SLC8A1: variants seen among roughly 807,000 people sequenced by gnomAD.
SLC8A1 encodes the protein solute carrier family 8 member A1, also known as sodium/calcium exchanger 1.
SLC8A1 carries 18 observed loss-of-function variants against 68.3 expected under a neutral mutation model. The observed-to-expected ratio is 0.26, with a 90% confidence interval of 0.18 to 0.39. The LOEUF (loss-of-function observed/expected upper bound fraction) is 0.39. Among genes scored for constraint, SLC8A1 ranks in the 10% least tolerant of loss-of-function variants. The pLI, the probability that SLC8A1 is intolerant of heterozygous loss-of-function variation, is 1.00. For missense variants in SLC8A1, 985 were observed against 1,156.7 expected (o/e 0.85, Z 2.15); for synonymous variants, 475 against 415.5 (o/e 1.14, Z -1.74).
chr2:40,167,413 A>G (rs575504625), intron 4 of SLC8A1, among the ~76,000 whole-genome samples: 12 of 152,304 alleles, frequency 7.9e-5, no homozygotes, highest in South Asian at 4.1e-4. Context: ...TTAGTGACTT[A>G]AAGTTTTCTT....
At chr2:40,400,136 G>A (rs1688267271) in intron 2 of SLC8A1, among the ~76,000 whole-genome samples, 1 of 152,138 alleles carries the variant, frequency 6.6e-6, no homozygotes, top group Non-Finnish European at 1.5e-5. Flanking sequence ...CCTTAAAAGG[G>A]ACAGGAATTG....
At chr2:40,429,076 T>A in exon 2 of SLC8A1, 2 of 1,612,260 alleles carry the variant, frequency 1.2e-6, no homozygotes, top group South Asian at 2.2e-5. Context: ...AGGGTCATTT[T>A]CAGTCACTTC....
At chr2:40,159,909 C>T (rs1021856059) in intron 6 of SLC8A1, among the ~76,000 whole-genome samples, 5 of 152,164 alleles carry the variant, frequency 3.3e-5, no homozygotes, top group African/African-American at 9.7e-5. Flanking sequence ...CTGCTAGTGA[C>T]GCAGTTTCCA....
At chr2:40,253,154 CATAT>C (rs961450904) in intron 2 of SLC8A1, among the ~76,000 whole-genome samples, 7 of 118,564 alleles carry the variant, frequency 5.9e-5, no homozygotes, top group East Asian at 2.3e-4. Flanking sequence ...TATATACATA[CATAT>C]ATATGTATAT....
chr2:40,358,450 A>T (rs1673454860), intron 2 of SLC8A1, among the ~76,000 whole-genome samples: 1 of 152,170 alleles, frequency 6.6e-6, no homozygotes, highest in Admixed American at 6.6e-5. Context: ...TATATCAGAA[A>T]TCTCTCAAAT....
intron 2 of SLC8A1, among the ~76,000 whole-genome samples, chr2:40,298,083 T>A (rs2070758485): frequency 1.3e-5 from 2 of 152,062 alleles, no homozygotes; most frequent in South Asian, 4.1e-4. Context: ...AATTTCACCA[T>A]CTTGGCCAGG....
intron 2 of SLC8A1, among the ~76,000 whole-genome samples, chr2:40,396,678 G>A (rs1686996453): frequency 7.4e-6 from 1 of 134,858 alleles, no homozygotes; most frequent in South Asian, 2.4e-4. Context: ...AAGAAAAAAA[G>A]ATTACTAGTC....
chr2:40,342,895 C>G (rs1357329871), intron 2 of SLC8A1, among the ~76,000 whole-genome samples: 4 of 152,088 alleles, frequency 2.6e-5, no homozygotes, highest in African/African-American at 7.2e-5. Context: ...ACGTACTGAT[C>G]ACTTTAAGAT....
At chr2:40,265,549 A>G (rs932190949) in intron 2 of SLC8A1, among the ~76,000 whole-genome samples, 1 of 152,226 alleles carries the variant, frequency 6.6e-6, no homozygotes, top group African/African-American at 2.4e-5. Context: ...CCATTAGTTT[A>G]GCAGAACCCT....
intron 2 of SLC8A1, among the ~76,000 whole-genome samples, chr2:40,294,302 G>A (rs2069908267): frequency 6.6e-6 from 1 of 151,942 alleles, no homozygotes; most frequent in South Asian, 2.1e-4. Context: ...TATCTGCCAG[G>A]AACTGTTCTA....
At chr2:40,486,236 G>A (rs573659572) in intron 1 of SLC8A1, among the ~76,000 whole-genome samples, 1 of 152,228 alleles carries the variant, frequency 6.6e-6, no homozygotes, top group East Asian at 1.9e-4. Context: ...CAGCTATGCT[G>A]TACCTCTTCC....
At chr2:40,405,105 A>C (rs10490044) in intron 2 of SLC8A1, among the ~76,000 whole-genome samples, 3,861 of 152,266 alleles carry the variant, frequency 0.025, 51 homozygotes, top group African/African-American at 0.03. Context: ...AATGATGTAA[A>C]TGAAGCAGTC....
At chr2:40,307,172 A>ACACACACAC (rs2072801719) in intron 2 of SLC8A1, among the ~76,000 whole-genome samples, 1 of 94,612 alleles carries the variant, frequency 1.1e-5, no homozygotes, top group Non-Finnish European at 2.1e-5. Flanking sequence ...CACACACACA[A>ACACACACAC]ACACATACAC....
At chr2:40,342,373 A>G (rs774665087) in intron 2 of SLC8A1, among the ~76,000 whole-genome samples, 2 of 152,176 alleles carry the variant, frequency 1.3e-5, no homozygotes, top group Non-Finnish European at 2.9e-5. Flanking sequence ...TAGGCAAATC[A>G]TATTTTTAAT....
chr2:40,466,773 T>C (rs937148198), intron 1 of SLC8A1, among the ~76,000 whole-genome samples: 8 of 152,168 alleles, frequency 5.3e-5, no homozygotes, highest in Non-Finnish European at 1.0e-4. Context: ...CTAAGGAGCA[T>C]AGAGGCTGAA....
chr2:40,256,314 C>T (rs2373822), intron 2 of SLC8A1, among the ~76,000 whole-genome samples: 1 of 152,120 alleles, frequency 6.6e-6, no homozygotes, highest in African/African-American at 2.4e-5. Flanking sequence ...TGCCTGGATT[C>T]TAATGGGGTT....
chr2:40,486,006 C>T (rs542397976), intron 1 of SLC8A1, among the ~76,000 whole-genome samples: 96 of 152,230 alleles, frequency 6.3e-4, no homozygotes, highest in Middle Eastern at 3.4e-3. Flanking sequence ...TCATAATGGC[C>T]GCATGTTGTG....
chr2:40,265,646 T>TC (rs2065270430), intron 2 of SLC8A1, among the ~76,000 whole-genome samples: 1 of 152,070 alleles, frequency 6.6e-6, no homozygotes. Flanking sequence ...GCTAACAAAA[T>TC]CAATTTTTAA....
intron 2 of SLC8A1, among the ~76,000 whole-genome samples, chr2:40,379,739 G>A (rs1681115505): frequency 6.6e-6 from 1 of 151,852 alleles, no homozygotes; most frequent in South Asian, 2.1e-4. Flanking sequence ...GCTCTAAGAG[G>A]CTTCTTCTTT....
Sources: gnomAD v4.1 joint callset for allele counts (sites outside exome capture counted in the v4.1 genomes callset) on GRCh38, gnomAD v4.1.1 for gene constraint, MANE v1.5 for transcripts, NCBI Gene and HGNC (gene_info 2026-07-23, HGNC 2026-07-21) for gene names.